The following SCFD2 variants were observed in gnomAD, a reference collection of about 807,000 sequenced individuals.
SCFD2 encodes sec1 family domain-containing protein 2.
SCFD2 carries 54 observed loss-of-function variants against 58.9 expected under a neutral mutation model. The ratio of observed to expected loss-of-function variants is 0.92; its 90% CI spans 0.74 to 1.15. SCFD2 has a LOEUF of 1.15. SCFD2 is among the 50% of genes most tolerant of loss of function. SCFD2 has a pLI of 0.00. For synonymous variants in SCFD2, 321 were observed against 335.9 expected (o/e 0.96, Z 0.49); for missense variants, 805 against 836.6 (o/e 0.96, Z 0.47).
intron 5 of SCFD2, among the ~76,000 whole-genome samples, chr4:52,992,374 C>T (rs1176087440): frequency 2.0e-5 from 3 of 152,180 alleles, no homozygotes; most frequent in African/African-American, 7.2e-5. Context: ...TCTCGGCTCG[C>T]TACAACCTCC....
chr4:53,019,572 TA>T (rs1353068644), intron 5 of SCFD2, among the ~76,000 whole-genome samples: 2 of 152,064 alleles, frequency 1.3e-5, no homozygotes, highest in African/African-American at 2.4e-5. Context: ...AAATAAGGAG[TA>T]AAAGTTCCTC....
At chr4:53,197,069 G>C (rs904143080) in intron 4 of SCFD2, among the ~76,000 whole-genome samples, 2 of 152,020 alleles carry the variant, frequency 1.3e-5, no homozygotes, top group Admixed American at 6.6e-5. Context: ...AATTAAAACA[G>C]AAACACATTC....
intron 4 of SCFD2, among the ~76,000 whole-genome samples, chr4:53,270,954 C>G (rs1320323502): frequency 6.6e-6 from 1 of 151,986 alleles, no homozygotes. Flanking sequence ...GAAAACCAAC[C>G]ACCATAAACA....
At chr4:53,170,268 G>A (rs73143483) in intron 4 of SCFD2, among the ~76,000 whole-genome samples, 5,801 of 152,178 alleles carry the variant, frequency 0.038, 384 homozygotes, top group African/African-American at 0.13. Context: ...AGTTTTCCCA[G>A]CACCTTTAAT....
chr4:53,074,838 A>G (rs1723923826), intron 5 of SCFD2, among the ~76,000 whole-genome samples: 1 of 152,200 alleles, frequency 6.6e-6, no homozygotes, highest in Non-Finnish European at 1.5e-5. Context: ...ACACAGGCAG[A>G]AAAGATTTAG....
At chr4:53,065,343 T>C (rs1170987047) in intron 5 of SCFD2, among the ~76,000 whole-genome samples, 1 of 152,040 alleles carries the variant, frequency 6.6e-6, no homozygotes, top group Admixed American at 6.6e-5. Context: ...AGACAAACTT[T>C]AGTCTAAATA....
At chr4:53,044,651 C>T (rs1421744738) in intron 5 of SCFD2, among the ~76,000 whole-genome samples, 3 of 125,942 alleles carry the variant, frequency 2.4e-5, no homozygotes, top group African/African-American at 2.9e-5. Flanking sequence ...TTCCTTTTTC[C>T]TCCTCCTCCT....
chr4:52,975,175 C>G (rs1228349435), intron 5 of SCFD2, among the ~76,000 whole-genome samples: 1 of 152,178 alleles, frequency 6.6e-6, no homozygotes, highest in African/African-American at 2.4e-5. Flanking sequence ...CAAATGGGAT[C>G]TTATTAAACT....
intron 4 of SCFD2, among the ~76,000 whole-genome samples, chr4:53,207,414 T>G (rs1411692016): frequency 7.0e-6 from 1 of 143,658 alleles, no homozygotes; most frequent in Non-Finnish European, 1.5e-5. Context: ...ATCCTTAGTG[T>G]CTGGAAAAGG....
In SCFD2 at chr4:52,937,597, C is replaced by A. The variant is rs555125706; in HGVS notation, c.1562-16727G>T. 3.9e-5 allele frequency among the ~76,000 whole-genome samples: 6 copies of A among 152,258 alleles called. No individual in the cohort carries two copies. In the East Asian group the frequency reaches 1.2e-3, roughly 29 times the overall value. The stretch of plus-strand genomic sequence containing the variant: ...TGAAATTCAGTGGGACAGAAAGCCA[C>A]ATTCTGAAACACAATAATCATCCAA... On this transcript the variant is annotated intron_variant, in intron 5 of 8. Transcript: ENST00000401642.
At chr4:53,189,978 A>G (rs1727846330) in intron 4 of SCFD2, among the ~76,000 whole-genome samples, 1 of 152,214 alleles carries the variant, frequency 6.6e-6, no homozygotes, top group South Asian at 2.1e-4. Flanking sequence ...CTTATTTTCA[A>G]TACAAACTAA....
chr4:53,334,124 G>C (rs566016367), intron 2 of SCFD2, among the ~76,000 whole-genome samples: 3 of 152,074 alleles, frequency 2.0e-5, no homozygotes, highest in African/African-American at 7.2e-5. Context: ...AGGATGTGGA[G>C]AAATAGGAAC....
chr4:53,317,208 C>T (rs1400661812), intron 2 of SCFD2, among the ~76,000 whole-genome samples: 2 of 152,110 alleles, frequency 1.3e-5, no homozygotes, highest in South Asian at 2.1e-4. Context: ...ACTAACTTCA[C>T]ATTACACATG....
chr4:53,363,728 C>G (rs1734615219), intron 1 of SCFD2, among the ~76,000 whole-genome samples: 1 of 148,146 alleles, frequency 6.8e-6, no homozygotes, highest in South Asian at 2.1e-4. Flanking sequence ...GAGGTTGAGG[C>G]AGGAGAATGG....
In SCFD2 at chr4:53,322,544, T is replaced by G. The variant is rs563010477; in HGVS notation, c.1008-8781A>C. On this transcript the variant is annotated intron_variant, in intron 2 of 8. Coordinates refer to ENST00000401642, the MANE Select transcript of SCFD2 (RefSeq NM_152540.4). ...AAACATTTTTTATTCCTACTCTCTA[T>G]CAGCCCATTAATGATTAACACTATA... Among the ~76,000 whole-genome samples, 3 of 152,334 alleles carry G rather than the reference T, an allele frequency of 2.0e-5. No homozygotes were observed. The South Asian group carries it at 6.2e-4, about 32-fold the overall frequency.
chr4:53,063,664 C>T (rs1451054142), intron 5 of SCFD2, among the ~76,000 whole-genome samples: 1 of 152,104 alleles, frequency 6.6e-6, no homozygotes, highest in Non-Finnish European at 1.5e-5. Flanking sequence ...CTTACCTCTA[C>T]TAAATGAGAA....
In SCFD2 at chr4:53,365,610, A is replaced by G; in HGVS notation, c.332T>C (p.Val111Ala). The change falls in exon 1 of 9, where the codon GTC becomes GCC. Residue 111 changes from valine to alanine, a missense_variant. Val to Ala is a moderately conservative substitution (Grantham distance 64). Around this residue, in one of 3 missense-constraint regions of SCFD2, gnomAD observed 155 missense variants for 149.7 expected, o/e 1.04. Coordinates refer to ENST00000401642, the MANE Select transcript of SCFD2 (RefSeq NM_152540.4). The surrounding 1 kb of genome is among the most constrained non-coding windows in gnomAD (Gnocchi z 4.3). ...TGGGACATGATTAGCTGTGAGGTGG[A>G]CAGCGTGGCTCACGGTTGTGACCAC... ...CVVVTTVSHA[V>A]HLTANHVPAA... 6.2e-7 allele frequency: 1 copy of G among 1,614,214 alleles called. No individual in the cohort carries two copies. The highest frequency in any genetic ancestry group is 8.5e-7 in the Non-Finnish European group (1 of 1,180,028).
intron 4 of SCFD2, among the ~76,000 whole-genome samples, chr4:53,203,613 G>A (rs1363043965): frequency 6.6e-6 from 1 of 151,938 alleles, no homozygotes; most frequent in East Asian, 1.9e-4. Context: ...AGCATTTTAG[G>A]AGCTTGAAAG....
At chr4:53,103,566 T>C (rs1186474942) in intron 5 of SCFD2, among the ~76,000 whole-genome samples, 1 of 147,894 alleles carries the variant, frequency 6.8e-6, no homozygotes, top group Non-Finnish European at 1.5e-5. Flanking sequence ...TAAATATATA[T>C]ATAATTTTCT....
Sources: allele counts gnomAD v4.1 joint callset (sites outside exome capture counted in the v4.1 genomes callset), GRCh38; gene constraint gnomAD v4.1.1; regional missense constraint gnomAD v4.1.1; non-coding constraint Gnocchi (gnomAD v3.1); transcripts MANE v1.5; gene names NCBI Gene and HGNC (gene_info 2026-07-23, HGNC 2026-07-21).